CACNA1B: variants seen among roughly 807,000 people sequenced by gnomAD.
CACNA1B encodes the protein calcium voltage-gated channel subunit alpha1 B, also known as voltage-dependent N-type calcium channel subunit alpha-1B.
In CACNA1B, 70 loss-of-function variants were observed where a neutral mutation model predicts 247.2. The observed-to-expected ratio is 0.28, with a 90% confidence interval of 0.23 to 0.35. The LOEUF (loss-of-function observed/expected upper bound fraction) is 0.35. Among genes scored for constraint, CACNA1B ranks in the 10% least tolerant of loss-of-function variants. The pLI, the probability that CACNA1B is intolerant of heterozygous loss-of-function variation, is 1.00. For missense variants in CACNA1B, 2,367 were observed against 3,197.4 expected (o/e 0.74, Z 6.26); for synonymous variants, 1,231 against 1,294.4 (o/e 0.95, Z 1.05).
chr9:138,006,592 A>G (rs1958653453), intron 15 of CACNA1B, among the ~76,000 whole-genome samples, 175 bp from the exon 16 acceptor site: 1 of 152,000 alleles, frequency 6.6e-6, no homozygotes. Flanking sequence ...TTTCTGGAGG[A>G]CCCTGGGATG....
chr9:137,988,297 G>C (rs1483945637), intron 15 of CACNA1B, among the ~76,000 whole-genome samples: 9 of 152,200 alleles, frequency 5.9e-5, no homozygotes, highest in African/African-American at 2.2e-4. Flanking sequence ...AGTGTCTGGG[G>C]TGGCGACAAG....
At chr9:138,004,655 G>A (rs193048981) in intron 15 of CACNA1B, among the ~76,000 whole-genome samples, 21 of 151,990 alleles carry the variant, frequency 1.4e-4, no homozygotes, top group Non-Finnish European at 3.1e-4. Context: ...TGCATGTTTA[G>A]CACGTATGCA....
intron 36 of CACNA1B, among the ~76,000 whole-genome samples, chr9:138,089,583 A>G (rs1960812072): frequency 6.6e-6 from 1 of 152,192 alleles, no homozygotes; most frequent in Non-Finnish European, 1.5e-5. Flanking sequence ...AAAGATCTAC[A>G]ACAAGAAAGG....
intron 8 of CACNA1B, among the ~76,000 whole-genome samples, chr9:137,956,284 CT>C (rs1957946560): frequency 6.6e-6 from 1 of 152,206 alleles, no homozygotes; most frequent in African/African-American, 2.4e-5. Flanking sequence ...CACAAGGCGG[CT>C]GAGTCCTCTT....
rs1564300401 is a variant in CACNA1B at position 138,121,879 on chromosome 9, G to A, written c.6900G>A (p.Leu2300=). The change falls in exon 47 of 47, where the codon CTG becomes CTA. Residue 2300 remains leucine (L), a synonymous_variant. Coordinates refer to ENST00000371372, the MANE Select transcript of CACNA1B (RefSeq NM_000718.4). The surrounding 1 kb of genome is among the most constrained non-coding windows in gnomAD (Gnocchi z 6.8). ...CCAGGACTTCCTACGTGTCCTCCCT[G>A]ACCTCCCAGTCTCACCCTCTCCGCC... ...RSSRTSYVSS[L]TSQSHPLRRV... 3.1e-6 allele frequency: 5 copies of A among 1,613,148 alleles called. No individual in the cohort carries two copies. Among genetic ancestry groups the A allele is most frequent in the South Asian group, 1.1e-5 (1 of 91,082 alleles).
chr9:138,027,123 C>T (rs1428209672), intron 20 of CACNA1B, among the ~76,000 whole-genome samples: 2 of 151,998 alleles, frequency 1.3e-5, no homozygotes, highest in Non-Finnish European at 2.9e-5. Context: ...TGTTTGTTTT[C>T]TAGTTGTTGA....
chr9:138,006,871 A>G lies in CACNA1B; in HGVS notation c.2079A>G (p.Thr693=), dbSNP rs200273640. 96 of 1,587,462 alleles carry G rather than the reference A, an allele frequency of 6.0e-5. No individual in the cohort carries two copies. Among genetic ancestry groups the G allele is most frequent in the Non-Finnish European group, 7.6e-5 (88 of 1,156,362 alleles). The stretch of plus-strand genomic sequence containing the variant: ...CGTCCTTTTACTTCATTGTCCTGAC[A>G]CTGTTCGGAAACTGTATCCTTCTGT... ...MFSSFYFIVL[T]LFGNYTLLNV... is the part of the protein sequence containing the mutation. Residue 693 remains threonine, a synonymous_variant, in exon 16 of 47, where the codon ACA becomes ACG. Coordinates refer to ENST00000371372, the MANE Select transcript of CACNA1B (RefSeq NM_000718.4).
chr9:138,056,236 C>T (rs1247169835), intron 26 of CACNA1B, among the ~76,000 whole-genome samples: 1 of 152,184 alleles, frequency 6.6e-6, no homozygotes, highest in Non-Finnish European at 1.5e-5. Flanking sequence ...TAACTATCAT[C>T]CCCTACATCC....
At position 138,073,638 on chromosome 9, in the gene CACNA1B, C is replaced by A. The variant is rs756046640; in HGVS notation, c.4791+34C>A. Reference sequence around the variant, plus strand: ...GGCGGGGGGCCTCCATGCTTTCTGTCCCCTTCCTCCGTCTTGCTTCCCCTG... The same window carrying A: ...GGCGGGGGGCCTCCATGCTTTCTGTACCCTTCCTCCGTCTTGCTTCCCCTG... On this transcript the variant is annotated intron_variant, in intron 33 of 46. Coordinates refer to ENST00000371372, the MANE Select transcript of CACNA1B (RefSeq NM_000718.4). This position sits in a 1 kb window ranked among gnomAD's most constrained non-coding sequence, Gnocchi z 6.4. 15 of 1,213,864 alleles carry A rather than the reference C, an allele frequency of 1.2e-5. No individual in the cohort carries two copies. The highest frequency in any genetic ancestry group is 1.8e-5 in the Non-Finnish European group (15 of 815,588). 75.2% of individuals were successfully genotyped at this position (1,213,864 alleles called of 1,614,324 possible).
chr9:137,948,193 C>A (rs1443059420), intron 6 of CACNA1B, among the ~76,000 whole-genome samples: 1 of 152,114 alleles, frequency 6.6e-6, no homozygotes, highest in African/African-American at 2.4e-5. Flanking sequence ...GTTGGCCAGG[C>A]TGGTCTCGCA....
intron 6 of CACNA1B, among the ~76,000 whole-genome samples, chr9:137,949,255 T>TG (rs1298312574): frequency 6.7e-6 from 1 of 149,124 alleles, no homozygotes. Flanking sequence ...GTGTGGTGTG[T>TG]GGTGCGTGTG....
At chr9:138,046,712 G>T (rs1959188768) in intron 21 of CACNA1B, among the ~76,000 whole-genome samples, 192 bp from the exon 22 acceptor site, 3 of 152,238 alleles carry the variant, frequency 2.0e-5, no homozygotes. Flanking sequence ...GCCCTCTCAG[G>T]AATCTCAGCC....
intron 15 of CACNA1B, among the ~76,000 whole-genome samples, chr9:138,005,680 G>A (rs1035562679): frequency 3.3e-5 from 5 of 152,176 alleles, no homozygotes; most frequent in African/African-American, 7.2e-5. Flanking sequence ...TGATCATTGC[G>A]CATTGTATGC....
At chr9:138,096,754 G>T in intron 37 of CACNA1B, 143 bp downstream of exon 37, 1 of 697,332 alleles carries the variant, frequency 1.4e-6, no homozygotes, top group South Asian at 2.4e-5. Context: ...CCTGTTTCGT[G>T]TAGAGCAGCA....
At chr9:137,962,092 C>T in intron 10 of CACNA1B, among the ~76,000 whole-genome samples, 1 of 152,034 alleles carries the variant, frequency 6.6e-6, no homozygotes, top group East Asian at 1.9e-4. Flanking sequence ...TCAATTTATT[C>T]CTGGTTCAAT....
At chr9:137,901,325 G>A (rs553071818) in intron 3 of CACNA1B, among the ~76,000 whole-genome samples, 15 of 150,354 alleles carry the variant, frequency 1.0e-4, no homozygotes, top group African/African-American at 1.7e-4. Context: ...TGTCTGTGCC[G>A]TGTGTCTCTG....
In CACNA1B at chr9:137,955,513, CTCTGGAGTGCTCA is replaced by C. The variant is rs1228157818; in HGVS notation, c.1071-171_1071-159del. 6.6e-6 allele frequency among the ~76,000 whole-genome samples: 1 copy of C among 152,326 alleles called. No individual in the cohort carries two copies. Among genetic ancestry groups the C allele is most frequent in the East Asian group, 1.9e-4 (1 of 5,168 alleles). ...TGGGTGCCCAGGGAGCTGTCTGGTG[CTCTGGAGTGCTCA>C]TCTGGAGTGCTCAGGTTAGAAGAGG... On this transcript the variant is annotated intron_variant, in intron 7 of 46. Transcript: ENST00000371372. The surrounding 1 kb of genome is among the most constrained non-coding windows in gnomAD (Gnocchi z 6.9).
intron 18 of CACNA1B, among the ~76,000 whole-genome samples, chr9:138,021,760 A>C (rs1958847888): frequency 6.6e-6 from 1 of 152,222 alleles, no homozygotes; most frequent in Non-Finnish European, 1.5e-5. Flanking sequence ...CAAGAGTAGC[A>C]CCTGATTCTT....
rs1958190808 is a variant in CACNA1B, at chr9:137,974,176, T to G, written c.1544-1731T>G. Among the ~76,000 whole-genome samples the G allele has an allele frequency of 6.6e-6, 1 of 152,182 alleles. No homozygotes were observed. Among genetic ancestry groups the G allele is most frequent in the South Asian group, 2.1e-4 (1 of 4,834 alleles). On this transcript the variant is annotated intron_variant, in intron 11 of 46. Transcript: ENST00000371372. This position sits in a 1 kb window ranked among gnomAD's most constrained non-coding sequence, Gnocchi z 4.5. ...TGGACTGCAGGGGTCACGGCTTTCC[T>G]GCCACATCTCACACCTGGTGGTCTG... is the stretch of plus-strand genomic sequence containing the variant.
Sources: allele counts gnomAD v4.1 joint callset (sites outside exome capture counted in the v4.1 genomes callset), GRCh38; gene constraint gnomAD v4.1.1; non-coding constraint Gnocchi (gnomAD v3.1); transcripts MANE v1.5; gene names NCBI Gene and HGNC (gene_info 2026-07-23, HGNC 2026-07-21).